NEO1: variants seen among roughly 807,000 people sequenced by gnomAD.
The protein encoded by NEO1 is neogenin 1.
A neutral mutation model predicts 159.7 loss-of-function variants in NEO1; 63 were observed. The ratio of observed to expected loss-of-function variants is 0.39; its 90% CI spans 0.32 to 0.49. The LOEUF (loss-of-function observed/expected upper bound fraction) is 0.49. NEO1 is among the 20% of genes least tolerant of loss of function. The probability of loss-of-function intolerance (pLI) is 0.85; values close to 1 mark genes in which losing one functional copy is unlikely to be tolerated. For missense variants in NEO1, 1,615 were observed against 1,831.0 expected, an observed-to-expected ratio of 0.88 and a Z score of 2.15; for synonymous variants, 633 against 662.0, an observed-to-expected ratio of 0.96 and a Z score of 0.67.
chr15:73,282,496 G>A (rs2041767325), intron 22 of NEO1, among the ~76,000 whole-genome samples: 1 of 152,126 alleles, frequency 6.6e-6, no homozygotes, highest in African/African-American at 2.4e-5. Flanking sequence ...TACTTTTCAT[G>A]CAATTTTTAT....
chr15:73,074,165 GAT>G (rs2068661968), intron 1 of NEO1, among the ~76,000 whole-genome samples: 1 of 152,204 alleles, frequency 6.6e-6, no homozygotes, highest in Non-Finnish European at 1.5e-5. Flanking sequence ...TGTCTAAACA[GAT>G]AAAGGTATCA....
At chr15:73,095,183 T>G (rs2069936974) in intron 1 of NEO1, among the ~76,000 whole-genome samples, 1 of 150,430 alleles carries the variant, frequency 6.6e-6, no homozygotes, top group Non-Finnish European at 1.5e-5. Context: ...CACTCCAGCC[T>G]GGCGACAGAG....
chr15:73,217,748 A>G (rs2150733739), intron 7 of NEO1, among the ~76,000 whole-genome samples: 1 of 152,286 alleles, frequency 6.6e-6, no homozygotes, highest in African/African-American at 2.4e-5. Context: ...GGTGTATAAG[A>G]ATGCTTGTGA....
intron 7 of NEO1, among the ~76,000 whole-genome samples, chr15:73,234,684 T>C (rs2039080714): frequency 6.6e-6 from 1 of 152,134 alleles, no homozygotes; most frequent in African/African-American, 2.4e-5. Flanking sequence ...AACTGCATTA[T>C]CTTACATTCT....
chr15:73,097,776 C>G lies in NEO1; in HGVS notation c.131-18764C>G, dbSNP rs1361663874. ...TTCTAATCCCAGACCTGGAACTAGC[C>G]TTTTTTTTTTTTTTTTTTTTTTGTA... On this transcript the variant is annotated intron_variant, in intron 1 of 28. Transcript: ENST00000261908. 1.7e-4 allele frequency among the ~76,000 whole-genome samples: 13 copies of G among 75,554 alleles called. No individual in the cohort carries two copies. The Admixed American group carries it at 1.9e-3, about 11-fold the overall frequency. 49.6% of individuals were successfully genotyped at this position (75,554 alleles called of 152,430 possible).
intron 25 of NEO1, among the ~76,000 whole-genome samples, chr15:73,291,875 T>C (rs16957746): frequency 0.024 from 3,644 of 152,298 alleles, 145 homozygotes; most frequent in African/African-American, 0.081. Context: ...AATTGTACTT[T>C]CCTAGGTAAA....
At chr15:73,284,253 A>G (rs894518245) in intron 23 of NEO1, among the ~76,000 whole-genome samples, 1 of 152,228 alleles carries the variant, frequency 6.6e-6, no homozygotes, top group African/African-American at 2.4e-5. Flanking sequence ...TTGAAAGATC[A>G]TAAGATGGGG....
intron 1 of NEO1, among the ~76,000 whole-genome samples, chr15:73,098,000 T>G (rs536530466): frequency 1.2e-4 from 19 of 152,150 alleles, no homozygotes; most frequent in African/African-American, 3.6e-4. Flanking sequence ...GTTACTGATT[T>G]TTACATCTAT....
intron 5 of NEO1, among the ~76,000 whole-genome samples, chr15:73,163,977 C>T (rs534689716): frequency 6.6e-6 from 1 of 151,050 alleles, no homozygotes. Context: ...TGGTGGATTT[C>T]TCCAACCCTT....
intron 1 of NEO1, among the ~76,000 whole-genome samples, chr15:73,100,588 G>A (rs1376222227): frequency 6.6e-6 from 1 of 152,058 alleles, no homozygotes; most frequent in African/African-American, 2.4e-5. Context: ...ACCCACCTCA[G>A]CCTCCTAAAG....
At chr15:73,153,084 G>A (rs991481881) in intron 5 of NEO1, among the ~76,000 whole-genome samples, 1 of 152,292 alleles carries the variant, frequency 6.6e-6, no homozygotes, top group Middle Eastern at 3.4e-3. Context: ...TGAGTCTGAA[G>A]GCCTGAGAAC....
At chr15:73,163,038 A>G (rs548128762) in intron 5 of NEO1, 1 of 152,134 alleles carries the variant, frequency 6.6e-6, no homozygotes, top group Non-Finnish European at 1.5e-5. Context: ...ATTCTTTAAT[A>G]TTTTGTTTCC....
At chr15:73,088,171 T>C (rs2069470753) in intron 1 of NEO1, among the ~76,000 whole-genome samples, 1 of 150,720 alleles carries the variant, frequency 6.6e-6, no homozygotes, top group Admixed American at 6.6e-5. Context: ...CATATTCATA[T>C]TTTTTTTTAA....
intron 5 of NEO1, among the ~76,000 whole-genome samples, chr15:73,142,997 T>C (rs557179959): frequency 6.6e-6 from 1 of 152,248 alleles, no homozygotes; most frequent in South Asian, 2.1e-4. Context: ...ACTGAGTAAC[T>C]TAAGGCTTAT....
chr15:73,197,503 A>G (rs2036592840), intron 7 of NEO1, among the ~76,000 whole-genome samples: 1 of 152,122 alleles, frequency 6.6e-6, no homozygotes. Flanking sequence ...ACTCCATTTC[A>G]TCAAATCTAA....
intron 4 of NEO1, among the ~76,000 whole-genome samples, chr15:73,127,740 C>T (rs922827556): frequency 6.6e-6 from 1 of 151,982 alleles, no homozygotes; most frequent in African/African-American, 2.4e-5. Flanking sequence ...TGTGATGTAC[C>T]AGTTAATGTG....
intron 7 of NEO1, among the ~76,000 whole-genome samples, chr15:73,220,914 C>A (rs1258662867): frequency 6.6e-6 from 1 of 152,210 alleles, no homozygotes; most frequent in African/African-American, 2.4e-5. Context: ...CTGAAGCCTT[C>A]TTCTCTCAAC....
At chr15:73,246,366 AT>A (rs781324385) in intron 9 of NEO1, among the ~76,000 whole-genome samples, 35 of 152,294 alleles carry the variant, frequency 2.3e-4, no homozygotes, top group Non-Finnish European at 4.3e-4. Flanking sequence ...GTGTGTTCTC[AT>A]TACAGGCAGA....
intron 1 of NEO1, among the ~76,000 whole-genome samples, chr15:73,092,693 T>C (rs553104252): frequency 1.3e-5 from 2 of 152,308 alleles, no homozygotes; most frequent in South Asian, 2.1e-4. Flanking sequence ...AGCTTTAGAA[T>C]TTTAAATTAT....
Sources: gnomAD v4.1 joint callset for allele counts (sites outside exome capture counted in the v4.1 genomes callset) on GRCh38, gnomAD v4.1.1 for gene constraint, MANE v1.5 for transcripts, NCBI Gene and HGNC (gene_info 2026-07-23, HGNC 2026-07-21) for gene names.